LTBR: variants seen among roughly 807,000 people sequenced by gnomAD.
LTBR encodes the protein lymphotoxin beta receptor, also known as tumor necrosis factor receptor superfamily member 3.
In LTBR, 15 loss-of-function variants were observed where a neutral mutation model predicts 45.4. The observed-to-expected ratio is 0.33, with a 90% CI of 0.22 to 0.51. The LOEUF is 0.51. LTBR is among the 20% of genes least tolerant of loss of function. The pLI is 0.97. For missense variants in LTBR, 450 were observed against 565.5 expected (o/e 0.80, Z 2.07); for synonymous variants, 228 against 231.0 (o/e 0.99, Z 0.12).
At chr12:6,387,411 A>G (rs1949062102) in intron 6 of LTBR, 1 of 152,268 alleles carries the variant, frequency 6.6e-6, no homozygotes, top group Admixed American at 6.5e-5. Context: ...TGTATCAAAT[A>G]CAACTGGCAT....
At chr12:6,382,681 G>A (rs926137988), upstream of LTBR, among the ~76,000 whole-genome samples, 3 of 152,194 alleles carry the variant, frequency 2.0e-5, no homozygotes, top group Non-Finnish European at 2.9e-5. Flanking sequence ...GCCTAGGCAG[G>A]TCCTTTCCCC....
At chr12:6,383,719 G>A (rs1202241258), upstream of LTBR, among the ~76,000 whole-genome samples, 5 of 152,196 alleles carry the variant, frequency 3.3e-5, no homozygotes, top group African/African-American at 9.7e-5. Context: ...AGTAGGGCAG[G>A]ACAACGGGGG....
At chr12:6,375,943 G>A (rs1948900581) in intron 1 of LTBR, 19 of 1,080,842 alleles carry the variant, frequency 1.8e-5, no homozygotes, top group Non-Finnish European at 2.0e-5. Context: ...GATGGAGGAG[G>A]GGCACTGAGT....
At chr12:6,387,923 C>A in intron 6 of LTBR, 1 of 444,088 alleles carries the variant, frequency 2.3e-6, no homozygotes. Context: ...ACAGGTACAG[C>A]AGGGCAACCC....
At chr12:6,382,831 A>G (rs188915939), upstream of LTBR, among the ~76,000 whole-genome samples, 170 of 152,344 alleles carry the variant, frequency 1.1e-3, 1 homozygote, top group African/African-American at 3.8e-3. Flanking sequence ...CAAGTGACCT[A>G]TCTCAAGAGA....
At chr12:6,375,990 T>G in intron 1 of LTBR, 5 of 990,058 alleles carry the variant, frequency 5.1e-6, no homozygotes, top group African/African-American at 3.6e-5. Flanking sequence ...TGGGGGCAAA[T>G]AGAAGGAGCC....
Position 6,388,545 on chromosome 12 carries a change from A to G in LTBR, c.775+40A>G. 1 of 1,550,644 alleles carries G rather than the reference A, an allele frequency of 6.4e-7. No homozygotes were observed. Among genetic ancestry groups the G allele is most frequent in the South Asian group, 1.1e-5 (1 of 89,696 alleles). Reference sequence around the variant, plus strand: ...GATGCAGTGGATGGTTGGCAATGGGAGCCGGAGGGAGGAATATTCAACTTC... The same window carrying G: ...GATGCAGTGGATGGTTGGCAATGGGGGCCGGAGGGAGGAATATTCAACTTC... On this transcript the variant is annotated intron_variant, in intron 7 of 9. Transcript: ENST00000228918. This position sits in a 1 kb window ranked among gnomAD's most constrained non-coding sequence, Gnocchi z 4.3.
At chr12:6,380,019 C>A (rs1948967834), upstream of LTBR, among the ~76,000 whole-genome samples, 1 of 151,774 alleles carries the variant, frequency 6.6e-6, no homozygotes, top group African/African-American at 2.4e-5. Flanking sequence ...GGTTTATCAA[C>A]CTTGGCACTA....
At chr12:6,383,792 G>A (rs1949006724), upstream of LTBR, among the ~76,000 whole-genome samples, 1 of 152,224 alleles carries the variant, frequency 6.6e-6, no homozygotes, top group Non-Finnish European at 1.5e-5. Flanking sequence ...CGGCCTTGCA[G>A]TCCCCGCGCC....
intron 1 of LTBR, among the ~76,000 whole-genome samples, chr12:6,378,909 G>A (rs1948947526): frequency 6.6e-6 from 1 of 151,868 alleles, no homozygotes; most frequent in South Asian, 2.1e-4. Context: ...CTAACCCTGT[G>A]GTGTGGCCAT....
chr12:6,375,573 C>A, exon 1 of LTBR: 1 of 1,534,190 alleles, frequency 6.5e-7, no homozygotes, highest in Non-Finnish European at 8.7e-7. Context: ...CGACAGGAAT[C>A]TCATTAGCAT....
Position 6,388,905 on chromosome 12 carries a change from T to G in LTBR, c.801+80T>G. On this transcript the variant is annotated intron_variant, in intron 8 of 9. Coordinates refer to ENST00000228918, the MANE Select transcript of LTBR (RefSeq NM_002342.3). This position sits in a 1 kb window ranked among gnomAD's most constrained non-coding sequence, Gnocchi z 4.3. ...AGGTGGAGCAGACAGGAAGAGAGTATGCAGGCTGACTCCACACTCATTCAT... is the reference window on the plus strand; with the variant it reads ...AGGTGGAGCAGACAGGAAGAGAGTAGGCAGGCTGACTCCACACTCATTCAT... The G allele has an allele frequency of 6.5e-7, 1 of 1,535,728 alleles. No homozygotes were observed. Among genetic ancestry groups the G allele is most frequent in the Non-Finnish European group, 9.0e-7 (1 of 1,110,752 alleles).
rs1949046592 is a variant in LTBR at position 6,386,262 on chromosome 12, C to CT, written c.570-82dup. 6.7e-7 allele frequency: 1 copy of CT among 1,486,160 alleles called. No homozygotes were observed. The highest frequency in any genetic ancestry group is 9.4e-7 in the Non-Finnish European group (1 of 1,067,716). 92.1% of individuals were successfully genotyped at this position (1,486,160 alleles called of 1,614,324 possible). ...TTGACACCACGGACTCGACTCACCA[C>CT]TTTCAGCCTCCCCGCCTGCCCAGTG... On this transcript the variant is annotated intron_variant, in intron 5 of 9. Coordinates refer to ENST00000228918, the MANE Select transcript of LTBR (RefSeq NM_002342.3). The surrounding 1 kb of genome is among the most constrained non-coding windows in gnomAD (Gnocchi z 4.1).
In LTBR at chr12:6,386,314, G is replaced by C; in HGVS notation, c.570-33G>C. On this transcript the variant is annotated intron_variant, in intron 5 of 9. Transcript: ENST00000228918. This position sits in a 1 kb window ranked among gnomAD's most constrained non-coding sequence, Gnocchi z 4.1. ...AGTCGGGACACTGGTGGGCCAGGGC[G>C]TGAAAAGGTCATCATCTTTTTTTCC... is the stretch of plus-strand genomic sequence containing the variant. 1 of 1,587,086 alleles carries C rather than the reference G, an allele frequency of 6.3e-7. No homozygotes were observed. The highest frequency in any genetic ancestry group is 8.6e-7 in the Non-Finnish European group (1 of 1,156,542).
At chr12:6,389,062 A>G in intron 8 of LTBR, 1 of 500,766 alleles carries the variant, frequency 2.0e-6, no homozygotes, top group East Asian at 3.5e-5. Context: ...AATAAGTTAA[A>G]CTATATATCA....
At chr12:6,377,303 T>C (rs898347923) in intron 1 of LTBR, 1 of 1,543,244 alleles carries the variant, frequency 6.5e-7, no homozygotes, top group African/African-American at 1.4e-5. Context: ...GGATTTTTCT[T>C]CATTGTCCTA....
intron 2 of LTBR, 66 bp downstream of exon 2, chr12:6,384,750 C>T (rs908653283): frequency 2.1e-6 from 3 of 1,463,182 alleles, no homozygotes; most frequent in East Asian, 2.3e-5. Flanking sequence ...AGCCCCCTCG[C>T]GGCCTCAGAG....
rs1310315448 is a variant in LTBR at position 6,390,854 on chromosome 12, G to C, written c.1225G>C (p.Ala409Pro). 31 of 1,611,364 alleles carry C rather than the reference G, an allele frequency of 1.9e-5. No individual in the cohort carries two copies. The highest frequency in any genetic ancestry group is 2.6e-5 in the Non-Finnish European group (31 of 1,178,642). Residue 409 changes from alanine (A) to proline (P), a missense_variant, in exon 10 of 10, where the codon GCT becomes CCT. Around this residue, in one of 3 missense-constraint regions of LTBR, gnomAD observed 71 missense variants for 90.4 expected, o/e 0.79. Coordinates refer to ENST00000228918, the MANE Select transcript of LTBR (RefSeq NM_002342.3). ...TACACCCCACCAGGAAGATGGCAAG[G>C]CTTGGCACCTAGCGGAGACAGAGCA... Reference protein sequence around the residue: ...LSTPHQEDGKAWHLAETEHCG... With the variant: ...LSTPHQEDGKPWHLAETEHCG...
upstream of LTBR, chr12:6,383,974 C>T (rs1489853362): frequency 1.1e-5 from 12 of 1,084,762 alleles, no homozygotes; most frequent in East Asian, 5.6e-5. Flanking sequence ...GCAGTCCGCT[C>T]TCCCGATCGG....
Sources: allele counts gnomAD v4.1 joint callset (sites outside exome capture counted in the v4.1 genomes callset), GRCh38; gene constraint gnomAD v4.1.1; regional missense constraint gnomAD v4.1.1; non-coding constraint Gnocchi (gnomAD v3.1); transcripts MANE v1.5; gene names NCBI Gene and HGNC (gene_info 2026-07-23, HGNC 2026-07-21).